MEIOB: variants seen among roughly 807,000 people sequenced by gnomAD.
MEIOB encodes meiosis-specific with OB domain-containing protein.
A neutral mutation model predicts 53.1 loss-of-function variants in MEIOB; 50 were observed. The observed-to-expected ratio is 0.94, with a 90% CI of 0.75 to 1.19. The LOEUF (loss-of-function observed/expected upper bound fraction) is 1.19, where lower values mean the gene tolerates loss of function less well. Among genes scored for constraint, MEIOB ranks in the 50% most tolerant of loss-of-function variants. The pLI, the probability that MEIOB is intolerant of heterozygous loss-of-function variation, is 0.00. For synonymous variants in MEIOB, 192 were observed against 182.5 expected, an observed-to-expected ratio of 1.05 and a Z score of -0.42; for missense variants, 551 against 550.8, an observed-to-expected ratio of 1.00 and a Z score of 0.00.
intron 6 of MEIOB, among the ~76,000 whole-genome samples, chr16:1,855,712 T>C (rs1327826564): frequency 6.6e-6 from 1 of 152,214 alleles, no homozygotes; most frequent in Non-Finnish European, 1.5e-5. Context: ...GGATTGAACA[T>C]AAACTGCCTA....
At chr16:1,849,305 C>A (rs933133033) in intron 9 of MEIOB, among the ~76,000 whole-genome samples, 6 of 152,066 alleles carry the variant, frequency 3.9e-5, no homozygotes, top group South Asian at 2.1e-4. Context: ...GTAATCCCAG[C>A]ACTTTGGGAG....
intron 6 of MEIOB, among the ~76,000 whole-genome samples, chr16:1,857,040 G>A (rs906565324): frequency 6.6e-6 from 1 of 152,206 alleles, no homozygotes; most frequent in Non-Finnish European, 1.5e-5. Context: ...AGGATCACAG[G>A]TGTAAGCCAC....
chr16:1,862,019 C>A lies in MEIOB; in HGVS notation c.225G>T (p.Lys75Asn). The change falls in exon 4 of 14, where the codon AAG (lysine) becomes AAT (asparagine). Residue 75 changes from lysine (K) to asparagine (N), a missense_variant. Transcript: ENST00000325962. ...AASWGNEDYI[K>N]SLSDSFRVGD... ...CAACCCTAAAGCTGTCAGAAAGAGA[C>A]TTGATGTAATCTTCATTGCCCCAGG... 6.4e-7 allele frequency: 1 copy of A among 1,551,406 alleles called. No homozygotes were observed. The highest frequency in any genetic ancestry group is 8.7e-7 in the Non-Finnish European group (1 of 1,146,838).
chr16:1,870,964 G>C (rs2982233), intron 1 of MEIOB, among the ~76,000 whole-genome samples: 125,304 of 151,820 alleles, frequency 0.83, 51,826 homozygotes, highest in Middle Eastern at 0.9. Flanking sequence ...ACACACCAAG[G>C]GATTTCTCCA....
chr16:1,851,435 G>A (rs1899170461), intron 9 of MEIOB, among the ~76,000 whole-genome samples: 1 of 152,074 alleles, frequency 6.6e-6, no homozygotes, highest in African/African-American at 2.4e-5. Context: ...ATAATTCACG[G>A]ACATATTATC....
rs1301258152 is a variant in MEIOB, at chr16:1,834,345, T to G, written c.1327A>C (p.Arg443=). 1.2e-6 allele frequency: 2 copies of G among 1,608,452 alleles called. No individual in the cohort carries two copies. Among genetic ancestry groups the G allele is most frequent in the Non-Finnish European group, 1.7e-6 (2 of 1,175,464 alleles). Residue 443 remains arginine (R), a synonymous_variant, in exon 14 of 14, where the codon AGG becomes CGG. Transcript: ENST00000325962. ...AGTACACTAATTTTCAATCCACTCC[T>G]TGCTCTGTGTGATAGAACGAACTGC... ...YLKFVLSHRA[R]SGLKISVLSC...
chr16:1,868,063 TA>T, intron 2 of MEIOB, 43 bp downstream of exon 2: 1 of 1,050,106 alleles, frequency 9.5e-7, no homozygotes. Context: ...TGTTATCACA[TA>T]AAATGTCATC....
rs1452101591 is a variant in MEIOB, at chr16:1,844,886, T to C, written c.856A>G (p.Ser286Gly). Residue 286 changes from serine to glycine, a missense_variant, in exon 10 of 14, where the codon AGT (serine) becomes GGT (glycine). Physicochemically the swap from Ser to Gly is moderately conservative, Grantham distance 56. Coordinates refer to ENST00000325962, the MANE Select transcript of MEIOB (RefSeq NM_001163560.3). ...CAATTTATGGATTCTTTGAAATAAC[T>C]GTCAATTTCATCATCCAGAACATTC... ...ETNVLDDEID[S>G]YFKESINLST... is the part of the protein sequence containing the mutation. The C allele has an allele frequency of 6.4e-7, 1 of 1,556,790 alleles. No individual in the cohort carries two copies.
chr16:1,853,937 A>T (rs1742422), intron 7 of MEIOB, among the ~76,000 whole-genome samples, 163 bp downstream of exon 7: 1 of 151,668 alleles, frequency 6.6e-6, no homozygotes, highest in East Asian at 1.9e-4. Flanking sequence ...GGTGGTATCC[A>T]TAACAACTCA....
At chr16:1,863,749 A>C (rs1178014068) in intron 3 of MEIOB, among the ~76,000 whole-genome samples, 1 of 147,630 alleles carries the variant, frequency 6.8e-6, no homozygotes, top group Non-Finnish European at 1.5e-5. Flanking sequence ...ATAAATTTTA[A>C]AAATAATTAA....
At chr16:1,859,470 G>C (rs917396301) in intron 5 of MEIOB, among the ~76,000 whole-genome samples, 2 of 152,172 alleles carry the variant, frequency 1.3e-5, no homozygotes, top group Non-Finnish European at 2.9e-5. Flanking sequence ...GAACCCAGGA[G>C]TTAGAGGTTA....
At chr16:1,858,886 A>G (rs448961) in intron 5 of MEIOB, among the ~76,000 whole-genome samples, 125,651 of 152,166 alleles carry the variant, frequency 0.83, 52,008 homozygotes, top group Middle Eastern at 0.9. Context: ...TACCAAGAAT[A>G]TTCTCTCCAT....
intron 12 of MEIOB, chr16:1,838,085 C>A: frequency 1.2e-6 from 1 of 831,920 alleles, no homozygotes; most frequent in South Asian, 1.9e-5. Context: ...CAGCCTCGAA[C>A]TCCCGGGGTC....
intron 6 of MEIOB, among the ~76,000 whole-genome samples, chr16:1,855,873 A>T (rs1742431): frequency 6.6e-6 from 1 of 151,718 alleles, no homozygotes; most frequent in Non-Finnish European, 1.5e-5. Flanking sequence ...TCACCATTTA[A>T]TATAACAAGC....
chr16:1,834,326 C>A lies in MEIOB; in HGVS notation c.1346G>T (p.Ser449Ile), dbSNP rs201707197. Residue 449 changes from serine (S) to isoleucine (I), a missense_variant, in exon 14 of 14, where the codon AGT becomes ATT. Coordinates refer to ENST00000325962, the MANE Select transcript of MEIOB (RefSeq NM_001163560.3). ...ATCTGCAAGCTTGCACGAGAGTACA[C>A]TAATTTTCAATCCACTCCTTGCTCT... ...SHRARSGLKISVLSCKLADPT... is the reference protein window; with the variant it reads ...SHRARSGLKIIVLSCKLADPT... The A allele has an allele frequency of 1.2e-6, 2 of 1,613,028 alleles. No homozygotes were observed. Among genetic ancestry groups the A allele is most frequent in the East Asian group, 4.5e-5 (2 of 44,870 alleles).
chr16:1,861,726 G>A (rs1016123677), intron 4 of MEIOB, among the ~76,000 whole-genome samples: 1 of 151,280 alleles, frequency 6.6e-6, no homozygotes. Flanking sequence ...GTAGAAATGG[G>A]GTCTTGCCAT....
In MEIOB at chr16:1,837,876, TAA is replaced by T; in HGVS notation, c.1219-8_1219-7del. On this transcript the variant is annotated splice_region_variant and splice_polypyrimidine_tract_variant and intron_variant, in intron 12 of 13. Transcript: ENST00000325962. ...ATTGCAAGAAACTCATGTACCTGGT[TAA>T]AAAAAAAATATGAGACAAATATATT... 6.7e-6 allele frequency: 9 copies of T among 1,346,594 alleles called. No homozygotes were observed. The highest frequency in any genetic ancestry group is 2.7e-5 in the Admixed American group (1 of 36,664). The allele number at this position is 1,346,594 out of a possible 1,614,324, so 83.4% of individuals were successfully genotyped here. A position where few individuals can be genotyped will look rare whatever the true frequency, so the allele number is the denominator to read the frequency against.
chr16:1,866,812 A>C (rs1596986624), intron 2 of MEIOB, among the ~76,000 whole-genome samples: 1 of 152,332 alleles, frequency 6.6e-6, no homozygotes, highest in South Asian at 2.1e-4. Flanking sequence ...TAATTGCAGC[A>C]ACTGATTTTA....
At chr16:1,842,453 TAAAAAA>T (rs74460539) in intron 10 of MEIOB, among the ~76,000 whole-genome samples, 1 of 124,754 alleles carries the variant, frequency 8.0e-6, no homozygotes, top group African/African-American at 3.1e-5. Flanking sequence ...TGTCTCTACT[TAAAAAA>T]AAAAAAAAAA....
Sources: allele counts gnomAD v4.1 joint callset (sites outside exome capture counted in the v4.1 genomes callset), GRCh38; gene constraint gnomAD v4.1.1; transcripts MANE v1.5; gene names NCBI Gene and HGNC (gene_info 2026-07-23, HGNC 2026-07-21).